SRPRA: variants seen among roughly 807,000 people sequenced by gnomAD.
SRPRA encodes signal recognition particle receptor subunit alpha.
In SRPRA, 30 loss-of-function variants were observed where a neutral mutation model predicts 61.1. The observed-to-expected ratio is 0.49, with a 90% CI of 0.37 to 0.67. The LOEUF (loss-of-function observed/expected upper bound fraction) is 0.67, where lower values mean the gene tolerates loss of function less well. SRPRA is among the 30% of genes least tolerant of loss of function. The probability of loss-of-function intolerance (pLI) is 0.00; values close to 1 mark genes in which losing one functional copy is unlikely to be tolerated. For missense variants in SRPRA, 759 were observed against 828.4 expected, an observed-to-expected ratio of 0.92 and a Z score of 1.03; for synonymous variants, 324 against 299.7, an observed-to-expected ratio of 1.08 and a Z score of -0.84.
the SRPRA span, chr11:126,256,445 A>C: frequency 1.2e-6 from 1 of 800,462 alleles, no homozygotes; most frequent in East Asian, 2.6e-5. The surrounding 1 kb of genome is among the most constrained non-coding windows in gnomAD (Gnocchi z 6.6). Flanking sequence ...GGGACATACC[A>C]ACCCACTTAA....
In SRPRA at chr11:126,263,796, C is replaced by T. The variant is rs1950752053; in HGVS notation, c.*120G>A. The T allele has an allele frequency of 4.3e-6, 6 of 1,405,488 alleles. No homozygotes were observed. Among genetic ancestry groups the T allele is most frequent in the Non-Finnish European group, 4.8e-6 (5 of 1,038,636 alleles). 87.1% of individuals were successfully genotyped at this position (1,405,488 alleles called of 1,614,324 possible). On this transcript the variant is annotated 3_prime_UTR_variant, in exon 14 of 14. Transcript: ENST00000332118. ...TGGGGTTGGAAGGAGCCACAAGCCC[C>T]CTCACTCTGCCTTTGTACTACACTG... is the stretch of plus-strand genomic sequence containing the variant.
chr11:126,258,166 T>TG (rs1950610150), downstream of SRPRA, among the ~76,000 whole-genome samples: 1 of 152,010 alleles, frequency 6.6e-6, no homozygotes. Context: ...GAGGCCCAGG[T>TG]GGGAGGATCA....
the SRPRA span, among the ~76,000 whole-genome samples, chr11:126,248,358 CTTTTTTTTTTTTT>C: frequency 2.9e-3 from 108 of 36,968 alleles, 4 homozygotes; most frequent in South Asian, 0.01. Context: ...TAGTAGTTGA[CTTTTTTTTTTTTT>C]TTTTTTTTTT....
chr11:126,261,980 A>G (rs1591534532), downstream of SRPRA: 2 of 824,328 alleles, frequency 2.4e-6, no homozygotes, highest in East Asian at 5.4e-5. Flanking sequence ...AGTAAATAAA[A>G]TTTTAAATAA....
chr11:126,258,379 G>A (rs1324395174), downstream of SRPRA, among the ~76,000 whole-genome samples: 4 of 152,248 alleles, frequency 2.6e-5, no homozygotes, highest in South Asian at 2.1e-4. Context: ...AAAGCAAGAC[G>A]CTGTTTCTAA....
At chr11:126,247,282 C>CT in the SRPRA span, among the ~76,000 whole-genome samples, 1 of 152,082 alleles carries the variant, frequency 6.6e-6, no homozygotes, top group African/African-American at 2.4e-5. Context: ...CAGAGCCAGA[C>CT]TTTCTCTCAA....
Position 126,264,065 on chromosome 11 carries a change from G to GC in SRPRA, c.1789-22dup, listed in dbSNP as rs1158106673. The GC allele has an allele frequency of 6.2e-7, 1 of 1,613,964 alleles. No individual in the cohort carries two copies. Among genetic ancestry groups the GC allele is most frequent in the South Asian group, 1.1e-5 (1 of 91,064 alleles). On this transcript the variant is annotated intron_variant, in intron 13 of 13. Coordinates refer to ENST00000332118, the MANE Select transcript of SRPRA (RefSeq NM_003139.4). The surrounding 1 kb of genome is among the most constrained non-coding windows in gnomAD (Gnocchi z 5.0). ...CCCACCTAAGTGGAGAAAGAGGACA[G>GC]CCCATCAACACAAGCCCACTTTTCA... is the stretch of plus-strand genomic sequence containing the variant.
chr11:126,261,259 C>G (rs1004256214), downstream of SRPRA: 1 of 600,984 alleles, frequency 1.7e-6, no homozygotes, highest in African/African-American at 1.9e-5. Context: ...AAAGACTACT[C>G]CAGTTTATCC....
chr11:126,251,040 A>G, the SRPRA span, among the ~76,000 whole-genome samples: 18 of 152,344 alleles, frequency 1.2e-4, no homozygotes, highest in South Asian at 3.5e-3. Flanking sequence ...TCAGTGGTGT[A>G]ATATTGATAA....
chr11:126,265,928 C>G lies in SRPRA; in HGVS notation c.1051+35G>C, dbSNP rs117802638. On this transcript the variant is annotated intron_variant, in intron 8 of 13. Transcript: ENST00000332118. This position sits in a 1 kb window ranked among gnomAD's most constrained non-coding sequence, Gnocchi z 6.3. ...ATTCTGCTCTCAACTACCCCTATCC[C>G]GCGAGTATGAGTCAGCCCGGTCCTC... 2 of 1,611,792 alleles carry G rather than the reference C, an allele frequency of 1.2e-6. No homozygotes were observed. Among genetic ancestry groups the G allele is most frequent in the South Asian group, 1.1e-5 (1 of 91,046 alleles).
the SRPRA span, among the ~76,000 whole-genome samples, chr11:126,236,184 G>A: frequency 6.6e-6 from 1 of 152,106 alleles, no homozygotes; most frequent in Non-Finnish European, 1.5e-5. Flanking sequence ...TCGATTCTCT[G>A]TTTGCTGGAT....
At chr11:126,237,668 C>T in the SRPRA span, among the ~76,000 whole-genome samples, 1 of 111,972 alleles carries the variant, frequency 8.9e-6, no homozygotes, top group Non-Finnish European at 1.7e-5. Context: ...CATAGTGAAA[C>T]CCTGTCTCTA....
At chr11:126,243,070 T>G in the SRPRA span, among the ~76,000 whole-genome samples, 1 of 152,184 alleles carries the variant, frequency 6.6e-6, no homozygotes, top group Non-Finnish European at 1.5e-5. Context: ...TGGATGAACC[T>G]TGAAAACATT....
rs748235126 is a variant in SRPRA at position 126,268,061 on chromosome 11, G to A, written c.143C>T (p.Thr48Ile). Residue 48 changes from threonine to isoleucine, a missense_variant, in exon 2 of 14, where the codon ACC becomes ATC. By Grantham distance (89) the Thr-to-Ile change is moderately conservative. Around this residue, in one of 2 missense-constraint regions of SRPRA, gnomAD observed 475 missense variants for 462.5 expected, o/e 1.03. Transcript: ENST00000332118. ...ATACTTGAGTGTGAGTGCCTCATGG[G>A]TGAAGGAGTTGTTACCTCCCCGTTC... is the stretch of plus-strand genomic sequence containing the variant. ...LQERGGNNSF[T>I]HEALTLKYKL... 6.8e-6 allele frequency: 11 copies of A among 1,613,994 alleles called. No homozygotes were observed. The highest frequency in any genetic ancestry group is 5.3e-5 in the African/African-American group (4 of 74,918).
chr11:126,257,344 T>A, the SRPRA span, among the ~76,000 whole-genome samples: 2 of 152,228 alleles, frequency 1.3e-5, no homozygotes, highest in African/African-American at 4.8e-5. Context: ...ATTGGATGAT[T>A]GCACAATCAC....
chr11:126,267,944 C>T lies in SRPRA; in HGVS notation c.201+59G>A, dbSNP rs1395086989. 1.3e-6 allele frequency: 2 copies of T among 1,556,814 alleles called. No individual in the cohort carries two copies. The highest frequency in any genetic ancestry group is 1.8e-6 in the Non-Finnish European group (2 of 1,128,924). ...ACACTGGCTGCAATTAATCAGAGTTCTCTTAAAAATCAGGGCTATGTTAAC... is the reference window on the plus strand; with the variant it reads ...ACACTGGCTGCAATTAATCAGAGTTTTCTTAAAAATCAGGGCTATGTTAAC... On this transcript the variant is annotated intron_variant, in intron 2 of 13. Coordinates refer to ENST00000332118, the MANE Select transcript of SRPRA (RefSeq NM_003139.4). The surrounding 1 kb of genome is among the most constrained non-coding windows in gnomAD (Gnocchi z 4.2).
the SRPRA span, among the ~76,000 whole-genome samples, chr11:126,236,712 A>T: frequency 6.7e-6 from 1 of 148,922 alleles, no homozygotes; most frequent in Non-Finnish European, 1.5e-5. Flanking sequence ...TGTTATTCAG[A>T]TGTTGGACTT....
Position 126,267,310 on chromosome 11 carries a change from G to A in SRPRA, c.391C>T (p.Arg131Cys), listed in dbSNP as rs558045090. Reference protein sequence around the residue: ...LREAEESSKIRAPTTMKKFED... With the variant: ...LREAEESSKICAPTTMKKFED... ...AATTTCTTCATGGTAGTGGGAGCAC[G>A]GATCTTACTGCTCTCCTCTGCTTCA... Residue 131 changes from arginine (R) to cysteine (C), a missense_variant, in exon 4 of 14, where the codon CGT becomes TGT. Physicochemically the swap from Arg to Cys is radical, Grantham distance 180. Transcript: ENST00000332118. The surrounding 1 kb of genome is among the most constrained non-coding windows in gnomAD (Gnocchi z 4.2). 1.1e-5 allele frequency: 18 copies of A among 1,613,998 alleles called. No individual in the cohort carries two copies. Among genetic ancestry groups the A allele is most frequent in the East Asian group, 4.5e-5 (2 of 44,872 alleles).
In SRPRA at chr11:126,265,467, A is replaced by G. The variant is rs1474177352; in HGVS notation, c.1139-27T>C. On this transcript the variant is annotated intron_variant, in intron 9 of 13. Coordinates refer to ENST00000332118, the MANE Select transcript of SRPRA (RefSeq NM_003139.4). The surrounding 1 kb of genome is among the most constrained non-coding windows in gnomAD (Gnocchi z 6.3). ...TGAAAGGGGAGGTGGAGGAGGTTGC[A>G]GCTGTGAAACTCAAGGAATGCTCTC... The G allele has an allele frequency of 6.3e-7, 1 of 1,599,902 alleles. No individual in the cohort carries two copies. The highest frequency in any genetic ancestry group is 8.5e-7 in the Non-Finnish European group (1 of 1,172,720).
Sources: gnomAD v4.1 joint callset for allele counts (sites outside exome capture counted in the v4.1 genomes callset) on GRCh38, gnomAD v4.1.1 for gene constraint, gnomAD v4.1.1 regional missense constraint, Gnocchi (gnomAD v3.1) non-coding constraint, MANE v1.5 for transcripts, NCBI Gene and HGNC (gene_info 2026-07-23, HGNC 2026-07-21) for gene names.